The following ERC1 variants were observed in gnomAD, a reference collection of about 807,000 sequenced individuals.
The protein encoded by ERC1 is ELKS/RAB6-interacting/CAST family member 1, also known as RAB6 interacting protein 2.
Under a neutral mutation model 132.0 loss-of-function variants are expected in ERC1, and 56 were observed. The observed-to-expected ratio is 0.42, with a 90% confidence interval of 0.34 to 0.53. The LOEUF (loss-of-function observed/expected upper bound fraction) is 0.53, where lower values mean the gene tolerates loss of function less well. Among genes scored for constraint, ERC1 ranks in the 20% least tolerant of loss-of-function variants. The pLI is 0.03. For missense variants in ERC1, 1,202 were observed against 1,349.9 expected (o/e 0.89, Z 1.72); for synonymous variants, 478 against 476.1 (o/e 1.00, Z -0.05).
chr12:1,081,065 A>G (rs1363304915), intron 2 of ERC1, among the ~76,000 whole-genome samples: 1 of 152,212 alleles, frequency 6.6e-6, no homozygotes, highest in African/African-American at 2.4e-5. Context: ...GTCAGAACTG[A>G]AACTCATGTT....
intron 16 of ERC1, among the ~76,000 whole-genome samples, chr12:1,382,058 C>A (rs1308824291): frequency 1.3e-5 from 2 of 152,114 alleles, no homozygotes; most frequent in Admixed American, 1.3e-4. Flanking sequence ...TATAACCATT[C>A]CTGTCTTGTT....
intron 8 of ERC1, among the ~76,000 whole-genome samples, chr12:1,156,913 G>A (rs1240059135): frequency 6.6e-6 from 1 of 151,892 alleles, no homozygotes; most frequent in Non-Finnish European, 1.5e-5. Flanking sequence ...TTTTCCTCTA[G>A]TAAATACATT....
At chr12:1,146,656 G>A (rs1168701088) in intron 8 of ERC1, among the ~76,000 whole-genome samples, 1 of 150,870 alleles carries the variant, frequency 6.6e-6, no homozygotes, top group Non-Finnish European at 1.5e-5. Flanking sequence ...TAAGTTCTAG[G>A]GTACATGTGC....
intron 1 of ERC1, among the ~76,000 whole-genome samples, chr12:994,693 C>T (rs1274303506): frequency 6.6e-6 from 1 of 152,078 alleles, no homozygotes; most frequent in African/African-American, 2.4e-5. Context: ...ATATTATGTA[C>T]CACATATTCT....
intron 14 of ERC1, among the ~76,000 whole-genome samples, chr12:1,274,891 A>G (rs2078153237): frequency 6.6e-6 from 1 of 152,228 alleles, no homozygotes; most frequent in Non-Finnish European, 1.5e-5. Context: ...TTACTTCAGC[A>G]GGAACCACGT....
At chr12:1,391,192 C>T (rs919795797) in intron 16 of ERC1, 10 of 152,234 alleles carry the variant, frequency 6.6e-5, no homozygotes, top group African/African-American at 2.4e-4. Context: ...ACTTAGACTT[C>T]TGTTTTAGCT....
chr12:1,104,026 TCA>T (rs78681471), intron 3 of ERC1, among the ~76,000 whole-genome samples: 33,698 of 151,708 alleles, frequency 0.22, 3,864 homozygotes, highest in Non-Finnish European at 0.25. Flanking sequence ...TTAGAGACAT[TCA>T]CAGAGTCTGA....
rs370930157 is a variant in ERC1 at position 1,464,140 on chromosome 12, G to A, written c.3213+19390G>A. 4.6e-5 allele frequency among the ~76,000 whole-genome samples: 7 copies of A among 152,200 alleles called. No homozygotes were observed. In the East Asian group the frequency reaches 7.7e-4, roughly 17 times the overall value. On this transcript the variant is annotated intron_variant, in intron 18 of 18. Coordinates refer to ENST00000360905, the MANE Select transcript of ERC1 (RefSeq NM_178040.4). The stretch of plus-strand genomic sequence containing the variant: ...TAAGTATTATTTGCAATTCACTCCC[G>A]ATGGATGTGAGAACTCCTCATGGAG...
intron 18 of ERC1, among the ~76,000 whole-genome samples, chr12:1,480,505 A>T (rs1016175549): frequency 6.6e-6 from 1 of 152,164 alleles, no homozygotes; most frequent in Non-Finnish European, 1.5e-5. Flanking sequence ...AGAATGGGAA[A>T]TGGAAAATCT....
At chr12:1,387,050 T>A (rs73026412) in intron 16 of ERC1, 4,696 of 118,832 alleles carry the variant, frequency 0.04, 84 homozygotes, top group Middle Eastern at 0.098. Flanking sequence ...GAGCCCTTTT[T>A]TTCTTCCAGT....
At chr12:1,005,988 C>T (rs998158461) in intron 1 of ERC1, among the ~76,000 whole-genome samples, 2 of 147,756 alleles carry the variant, frequency 1.4e-5, no homozygotes, top group African/African-American at 2.5e-5. Flanking sequence ...GACAGAGTCT[C>T]GCTCTATCGC....
chr12:1,329,561 G>A (rs983877477), intron 15 of ERC1, among the ~76,000 whole-genome samples: 60 of 152,170 alleles, frequency 3.9e-4, no homozygotes, highest in Admixed American at 2.8e-3. Flanking sequence ...CATTATACTC[G>A]TTTTATAGTT....
intron 17 of ERC1, among the ~76,000 whole-genome samples, chr12:1,412,022 C>T (rs1251994486): frequency 6.6e-6 from 1 of 152,218 alleles, no homozygotes; most frequent in South Asian, 2.1e-4. Context: ...AATATATTAA[C>T]TTTCATTGGT....
intron 11 of ERC1, among the ~76,000 whole-genome samples, chr12:1,189,266 A>G (rs1054557537): frequency 2.0e-5 from 3 of 152,156 alleles, no homozygotes; most frequent in African/African-American, 7.2e-5. Context: ...ATTATTTTGT[A>G]AATTCTCTAA....
rs537261329 is a variant in ERC1 at position 1,329,293 on chromosome 12, C to CA, written c.2780+39295dup. Among the ~76,000 whole-genome samples the CA allele has an allele frequency of 2.2e-3, 180 of 83,394 alleles. 12 individuals are homozygous for CA. The East Asian group carries it at 0.027, about 12-fold the overall frequency. 54.7% of individuals were successfully genotyped at this position (83,394 alleles called of 152,430 possible). On this transcript the variant is annotated intron_variant, in intron 15 of 18. Transcript: ENST00000360905. ...TGGGCGACAGAGCAAGACTCTGAATCAAAAAAAAAAAAAAGAAAGAAAAGT... is the reference window on the plus strand; with the variant it reads ...TGGGCGACAGAGCAAGACTCTGAATCAAAAAAAAAAAAAAAGAAAGAAAAGT...
intron 7 of ERC1, among the ~76,000 whole-genome samples, chr12:1,141,341 T>C (rs984584137): frequency 1.3e-5 from 2 of 152,190 alleles, no homozygotes; most frequent in African/African-American, 4.8e-5. Context: ...GAAATACTGA[T>C]TTTGAACCCC....
chr12:1,066,234 C>T (rs751305482), intron 2 of ERC1, among the ~76,000 whole-genome samples: 6 of 152,176 alleles, frequency 3.9e-5, no homozygotes, highest in African/African-American at 7.2e-5. Context: ...AACAAATATT[C>T]GCTATGGCGA....
At chr12:1,446,879 G>A (rs1254658692) in intron 18 of ERC1, among the ~76,000 whole-genome samples, 1 of 152,110 alleles carries the variant, frequency 6.6e-6, no homozygotes, top group Non-Finnish European at 1.5e-5. Flanking sequence ...ATTCAGCGAG[G>A]TGCTGTGGCT....
chr12:1,248,450 G>C (rs900843771), intron 13 of ERC1, among the ~76,000 whole-genome samples: 1 of 152,164 alleles, frequency 6.6e-6, no homozygotes, highest in African/African-American at 2.4e-5. Flanking sequence ...CATCAGAGGA[G>C]TCCTCCCAAA....
Sources: allele counts gnomAD v4.1 joint callset (sites outside exome capture counted in the v4.1 genomes callset), GRCh38; gene constraint gnomAD v4.1.1; transcripts MANE v1.5; gene names NCBI Gene and HGNC (gene_info 2026-07-23, HGNC 2026-07-21).